SNX31: variants seen among roughly 807,000 people sequenced by gnomAD.
SNX31 encodes the protein sorting nexin 31.
A neutral mutation model predicts 65.4 loss-of-function variants in SNX31; 58 were observed. The ratio of observed to expected loss-of-function variants is 0.89; its 90% CI spans 0.72 to 1.10. The LOEUF (loss-of-function observed/expected upper bound fraction) is 1.10, where lower values mean the gene tolerates loss of function less well. Ranked by LOEUF, SNX31 falls within the 50% of genes least tolerant of loss-of-function variation. The pLI, the probability that SNX31 is intolerant of heterozygous loss-of-function variation, is 0.00. For missense variants in SNX31, 523 were observed against 529.7 expected, an observed-to-expected ratio of 0.99 and a Z score of 0.12; for synonymous variants, 181 against 190.1, an observed-to-expected ratio of 0.95 and a Z score of 0.39.
chr8:100,593,533 A>C (rs1814779527), intron 10 of SNX31, among the ~76,000 whole-genome samples: 1 of 150,094 alleles, frequency 6.7e-6, no homozygotes, highest in South Asian at 2.1e-4. Flanking sequence ...GGCTCACTGC[A>C]ACCTCCCCCT....
chr8:100,618,498 G>C (rs1236416697), intron 4 of SNX31: 3 of 630,410 alleles, frequency 4.8e-6, no homozygotes, highest in African/African-American at 3.7e-5. Context: ...GACATGCTTT[G>C]CTTGGAGTTG....
Position 100,604,287 on chromosome 8 carries a change from AT to A in SNX31, c.682-3847del, listed in dbSNP as rs1159109495. Among the ~76,000 whole-genome samples, 3 of 152,264 alleles carry A rather than the reference AT, an allele frequency of 2.0e-5. No homozygotes were observed. The highest frequency in any genetic ancestry group is 4.4e-5 in the Non-Finnish European group (3 of 68,050). On this transcript the variant is annotated intron_variant, in intron 8 of 13. Transcript: ENST00000311812. The surrounding 1 kb of genome is among the most constrained non-coding windows in gnomAD (Gnocchi z 4.3). ...AAAGAAAAAAATAATAAAATTAAAAATTTTAAAAATCAAGCAAAATCACATA... is the reference window on the plus strand; with the variant it reads ...AAAGAAAAAAATAATAAAATTAAAAATTTAAAAATCAAGCAAAATCACATA...
Position 100,610,211 on chromosome 8 carries a change from C to T in SNX31, c.612-1648G>A, listed in dbSNP as rs1034001378. On this transcript the variant is annotated intron_variant, in intron 7 of 13. Coordinates refer to ENST00000311812, the MANE Select transcript of SNX31 (RefSeq NM_152628.4). The surrounding 1 kb of genome is among the most constrained non-coding windows in gnomAD (Gnocchi z 4.0). ...TTTGGGGTAGACGTTTTCTCTTGCA[C>T]GTATCATCTAGAGTTTACGTATTTA... Among the ~76,000 whole-genome samples, 2 of 152,324 alleles carry T rather than the reference C, an allele frequency of 1.3e-5. No individual in the cohort carries two copies. The highest frequency in any genetic ancestry group is 1.5e-5 in the Non-Finnish European group (1 of 68,022).
In SNX31 at chr8:100,607,345, G is replaced by C. The variant is rs550995253; in HGVS notation, c.681+1149C>G. ...ACACCTGGGGCAGCTGGTGACCTGG[G>C]TGTGTATGTTGGCGGCAGCACCGGC... On this transcript the variant is annotated intron_variant, in intron 8 of 13. Coordinates refer to ENST00000311812, the MANE Select transcript of SNX31 (RefSeq NM_152628.4). Among the ~76,000 whole-genome samples, 292 of 152,346 alleles carry C rather than the reference G, an allele frequency of 1.9e-3. 1 individual carries two copies. Among genetic ancestry groups the C allele is most frequent in the African/African-American group, 6.9e-3 (287 of 41,580 alleles).
rs1329644431 is a variant in SNX31, at chr8:100,588,127, T to C, written c.1092+739A>G. On this transcript the variant is annotated intron_variant, in intron 11 of 13. Transcript: ENST00000311812. The surrounding 1 kb of genome is among the most constrained non-coding windows in gnomAD (Gnocchi z 4.8). ...AAAGGTGAAACATTAAAAAAAAACATAAAAAAGGTACAGTAAAAATACTGA... is the reference window on the plus strand; with the variant it reads ...AAAGGTGAAACATTAAAAAAAAACACAAAAAAGGTACAGTAAAAATACTGA... Among the ~76,000 whole-genome samples the C allele has an allele frequency of 2.7e-5, 4 of 149,044 alleles. No individual in the cohort carries two copies. The highest frequency in any genetic ancestry group is 1.0e-4 in the African/African-American group (4 of 40,190).
chr8:100,608,617 C>G, intron 7 of SNX31, 54 bp from the exon 8 acceptor site: 1 of 1,572,114 alleles, frequency 6.4e-7, no homozygotes, highest in African/African-American at 1.3e-5. Flanking sequence ...CATGGGCACA[C>G]CTGGCAAGTG....
intron 2 of SNX31, among the ~76,000 whole-genome samples, chr8:100,646,949 T>C (rs915785289): frequency 1.3e-5 from 2 of 152,212 alleles, no homozygotes; most frequent in African/African-American, 4.8e-5. Context: ...AATATGACTT[T>C]AGGAAAATTG....
chr8:100,633,622 C>T (rs1818557472), intron 3 of SNX31, among the ~76,000 whole-genome samples: 1 of 152,100 alleles, frequency 6.6e-6, no homozygotes, highest in Non-Finnish European at 1.5e-5. Flanking sequence ...CCGGGCTGGT[C>T]TTGAACTCCT....
Position 100,612,910 on chromosome 8 carries a change from G to T in SNX31, c.523+85C>A. ...GGGATCACAGCCCAGTGGGTGGCCA[G>T]CCCCTCAGCTGTGACTCCTATGAGC... is the stretch of plus-strand genomic sequence containing the variant. On this transcript the variant is annotated intron_variant, in intron 6 of 13. Transcript: ENST00000311812. The surrounding 1 kb of genome is among the most constrained non-coding windows in gnomAD (Gnocchi z 4.3). 8.6e-7 allele frequency: 1 copy of T among 1,164,838 alleles called. No individual in the cohort carries two copies. The highest frequency in any genetic ancestry group is 1.3e-6 in the Non-Finnish European group (1 of 772,978). 72.2% of individuals were successfully genotyped at this position (1,164,838 alleles called of 1,614,324 possible).
Position 100,578,531 on chromosome 8 carries a change from G to A in SNX31, c.1171-1456C>T, listed in dbSNP as rs1813230682. On this transcript the variant is annotated intron_variant, in intron 12 of 13. Coordinates refer to ENST00000311812, the MANE Select transcript of SNX31 (RefSeq NM_152628.4). This position sits in a 1 kb window ranked among gnomAD's most constrained non-coding sequence, Gnocchi z 4.7. ...AGACGGAGACATTTAAAAATAAGTG[G>A]GCTAAATAACATGACACTGCAAAAA... 6.6e-6 allele frequency among the ~76,000 whole-genome samples: 1 copy of A among 151,798 alleles called. No individual in the cohort carries two copies. Among genetic ancestry groups the A allele is most frequent in the African/African-American group, 2.4e-5 (1 of 41,300 alleles).
At chr8:100,649,214 G>A in intron 2 of SNX31, 60 bp downstream of exon 2, 2 of 1,558,226 alleles carry the variant, frequency 1.3e-6, no homozygotes, top group Non-Finnish European at 8.8e-7. Context: ...GAGCGCTTTG[G>A]GGACAGCTTT....
rs1409922132 is a variant in SNX31 at position 100,588,990 on chromosome 8, A to G, written c.979-11T>C. On this transcript the variant is annotated splice_polypyrimidine_tract_variant and intron_variant, in intron 10 of 13. Coordinates refer to ENST00000311812, the MANE Select transcript of SNX31 (RefSeq NM_152628.4). The surrounding 1 kb of genome is among the most constrained non-coding windows in gnomAD (Gnocchi z 4.8). ...ATCCAGCAGAGTTCCCTACAAAGGA[A>G]AATATTTTATATTCAATGTAAATTT... 3 of 1,596,716 alleles carry G rather than the reference A, an allele frequency of 1.9e-6. No individual in the cohort carries two copies. The Admixed American group carries it at 5.1e-5, about 27-fold the overall frequency.
chr8:100,624,087 A>G (rs1475965606), intron 4 of SNX31, among the ~76,000 whole-genome samples: 1 of 152,142 alleles, frequency 6.6e-6, no homozygotes, highest in Non-Finnish European at 1.5e-5. Flanking sequence ...GGGAGAAAGG[A>G]AGAATAGAAG....
intron 8 of SNX31, among the ~76,000 whole-genome samples, chr8:100,605,826 A>T (rs1424167122): frequency 1.3e-5 from 2 of 152,238 alleles, no homozygotes; most frequent in African/African-American, 4.8e-5. Context: ...ACCTCTCATC[A>T]CAATGAGAAG....
At position 100,595,665 on chromosome 8, in the gene SNX31, G is replaced by A. The variant is rs868687577; in HGVS notation, c.978+974C>T. Among the ~76,000 whole-genome samples, 4 of 152,292 alleles carry A rather than the reference G, an allele frequency of 2.6e-5. No homozygotes were observed. The Middle Eastern group carries it at 0.014, about 518-fold the overall frequency. ...TGGCAATTAGGGTGTGGTAGTGGAA[G>A]TTCCCTTGACCAAGTAGGGAACACA... On this transcript the variant is annotated intron_variant, in intron 10 of 13. Transcript: ENST00000311812.
chr8:100,589,033 C>A, intron 10 of SNX31, 54 bp from the exon 11 acceptor site: 1 of 1,439,096 alleles, frequency 6.9e-7, no homozygotes, highest in Non-Finnish European at 9.7e-7. Context: ...TATTAATTTG[C>A]CGGGCACGGT....
chr8:100,611,445 C>A (rs1816701103), intron 7 of SNX31, among the ~76,000 whole-genome samples: 1 of 152,174 alleles, frequency 6.6e-6, no homozygotes. Context: ...CATTTTCATA[C>A]CCCACCCCGC....
At chr8:100,645,286 G>C (rs1000628296) in intron 2 of SNX31, among the ~76,000 whole-genome samples, 1 of 152,168 alleles carries the variant, frequency 6.6e-6, no homozygotes. Flanking sequence ...CACACACACA[G>C]ATGGGACCTT....
At chr8:100,659,556 A>G (rs1809743092) in intron 1 of SNX31, among the ~76,000 whole-genome samples, 1 of 152,122 alleles carries the variant, frequency 6.6e-6, no homozygotes, top group South Asian at 2.1e-4. Context: ...AGTAACGAGA[A>G]TGTTTCCTGC....
Sources: gnomAD v4.1 joint callset for allele counts (sites outside exome capture counted in the v4.1 genomes callset) on GRCh38, gnomAD v4.1.1 for gene constraint, Gnocchi (gnomAD v3.1) non-coding constraint, MANE v1.5 for transcripts, NCBI Gene and HGNC (gene_info 2026-07-23, HGNC 2026-07-21) for gene names.